APP: variants seen among roughly 807,000 people sequenced by gnomAD.
APP encodes the protein amyloid-beta precursor protein.
In APP, 31 loss-of-function variants were observed where a neutral mutation model predicts 101.4. The observed-to-expected ratio is 0.31, with a 90% CI of 0.23 to 0.41. The LOEUF (loss-of-function observed/expected upper bound fraction) is 0.41, where lower values mean the gene tolerates loss of function less well. Among genes scored for constraint, APP ranks in the 10% least tolerant of loss-of-function variants. The pLI is 1.00. For missense variants in APP, 839 were observed against 1,003.7 expected, an observed-to-expected ratio of 0.84 and a Z score of 2.22; for synonymous variants, 366 against 364.4, an observed-to-expected ratio of 1.00 and a Z score of -0.05.
chr21:26,113,082 A>G (rs2062363289), intron 1 of APP, among the ~76,000 whole-genome samples: 1 of 152,224 alleles, frequency 6.6e-6, no homozygotes, highest in African/African-American at 2.4e-5. Context: ...ATTCAGCAAG[A>G]AATGAAAAAT....
At chr21:25,952,619 T>A (rs1477123452) in intron 13 of APP, among the ~76,000 whole-genome samples, 1 of 152,170 alleles carries the variant, frequency 6.6e-6, no homozygotes, top group Non-Finnish European at 1.5e-5. Flanking sequence ...CAATAATTGC[T>A]GGGTGAGGGT....
chr21:26,111,907 CAAG>C lies in APP; in HGVS notation c.225+69_225+71del, dbSNP rs2062332854. 3 of 1,547,172 alleles carry C rather than the reference CAAG, an allele frequency of 1.9e-6. No individual in the cohort carries two copies. The African/African-American group carries it at 4.1e-5, about 21-fold the overall frequency. ...AGGGTTAAAATACTGATGCAAAATA[CAAG>C]AAGTTAAATTTTTTGAAAACAAATG... On this transcript the variant is annotated intron_variant, in intron 2 of 17. Transcript: ENST00000346798.
At chr21:25,904,721 TTTTTG>T (rs149958076) in intron 15 of APP, among the ~76,000 whole-genome samples, 2,085 of 152,136 alleles carry the variant, frequency 0.014, 38 homozygotes, top group African/African-American at 0.048. Context: ...ATCGTCTCTG[TTTTTG>T]TTTTGTTTTG....
intron 1 of APP, among the ~76,000 whole-genome samples, chr21:26,129,410 C>T (rs892317441): frequency 6.6e-6 from 1 of 151,010 alleles, no homozygotes; most frequent in Admixed American, 6.6e-5. Flanking sequence ...GCAGAGGTTG[C>T]AGTGAGCTGA....
At chr21:25,988,158 C>T (rs539604275) in intron 8 of APP, among the ~76,000 whole-genome samples, 4 of 152,180 alleles carry the variant, frequency 2.6e-5, no homozygotes, top group East Asian at 1.9e-4. Flanking sequence ...AAAACTAGCA[C>T]GGAAGCCCTA....
chr21:26,050,838 T>A (rs1372085780), intron 5 of APP, among the ~76,000 whole-genome samples, 162 bp downstream of exon 5: 1 of 152,204 alleles, frequency 6.6e-6, no homozygotes, highest in Non-Finnish European at 1.5e-5. Flanking sequence ...TTCAACAGGA[T>A]GCCATAAAAA....
chr21:26,007,380 TTATAA>T (rs987300228), intron 6 of APP, among the ~76,000 whole-genome samples: 85 of 147,288 alleles, frequency 5.8e-4, no homozygotes, highest in Admixed American at 5.2e-3. Flanking sequence ...ATATATTAGA[TTATAA>T]TATATTATAT....
At chr21:26,082,662 T>C (rs986175666) in intron 3 of APP, among the ~76,000 whole-genome samples, 5 of 152,288 alleles carry the variant, frequency 3.3e-5, no homozygotes, top group Middle Eastern at 3.4e-3. Context: ...TACATCTCCT[T>C]TCTTGCCTTG....
intron 6 of APP, among the ~76,000 whole-genome samples, chr21:26,007,564 C>T (rs1235614277): frequency 2.0e-5 from 3 of 150,678 alleles, no homozygotes; most frequent in Non-Finnish European, 4.4e-5. Context: ...TAGTTCATAA[C>T]AACTTTATTT....
In APP at chr21:26,043,279, A is replaced by T. The variant is rs7280619; in HGVS notation, c.662+7721T>A. Among the ~76,000 whole-genome samples, 1,232 of 151,710 alleles carry T rather than the reference A, an allele frequency of 8.1e-3. 19 individuals carry two copies. The highest frequency in any genetic ancestry group is 0.028 in the African/African-American group (1,160 of 41,328). On this transcript the variant is annotated intron_variant, in intron 5 of 17. Coordinates refer to ENST00000346798, the MANE Select transcript of APP (RefSeq NM_000484.4). ...GAGACAGAGTCTTGCTCTGTTGCCC[A>T]GGCTGAAGTGCAGTGGTGCGATCTC...
At chr21:26,166,881 A>T (rs559812468) in intron 1 of APP, among the ~76,000 whole-genome samples, 2 of 84,976 alleles carry the variant, frequency 2.4e-5, no homozygotes. Flanking sequence ...TGAGAGAGAG[A>T]GAGAGAGAGA....
At chr21:26,079,867 T>C (rs756871321) in intron 3 of APP, among the ~76,000 whole-genome samples, 1 of 152,236 alleles carries the variant, frequency 6.6e-6, no homozygotes, top group African/African-American at 2.4e-5. Flanking sequence ...CTCACGCCTG[T>C]AATCCCAGCA....
At chr21:25,965,386 T>C (rs1026885426) in intron 11 of APP, among the ~76,000 whole-genome samples, 2 of 152,232 alleles carry the variant, frequency 1.3e-5, no homozygotes, top group Non-Finnish European at 2.9e-5. Context: ...TGCTTTAATT[T>C]TGCATATTCA....
chr21:26,155,424 T>C (rs1210309070), intron 1 of APP, among the ~76,000 whole-genome samples: 2 of 152,248 alleles, frequency 1.3e-5, no homozygotes, highest in African/African-American at 4.8e-5. Flanking sequence ...TAATTTCGCC[T>C]GCTTATTTTT....
intron 9 of APP, among the ~76,000 whole-genome samples, chr21:25,977,944 A>C (rs2042283425): frequency 6.6e-6 from 1 of 152,188 alleles, no homozygotes; most frequent in African/African-American, 2.4e-5. Context: ...CAGTGGTGGT[A>C]CTCTACCAAC....
intron 5 of APP, among the ~76,000 whole-genome samples, chr21:26,038,968 A>C (rs975232900): frequency 2.0e-5 from 3 of 152,224 alleles, no homozygotes; most frequent in African/African-American, 7.2e-5. Context: ...ATTATATATG[A>C]GGGTAAAGCA....
At chr21:26,025,739 G>A (rs967939143) in intron 5 of APP, among the ~76,000 whole-genome samples, 4 of 152,188 alleles carry the variant, frequency 2.6e-5, no homozygotes, top group African/African-American at 4.8e-5. Flanking sequence ...AACCAGGAAC[G>A]GAGACACGTA....
chr21:26,128,551 T>G (rs564523246), intron 1 of APP, among the ~76,000 whole-genome samples: 1 of 152,258 alleles, frequency 6.6e-6, no homozygotes, highest in South Asian at 2.1e-4. Context: ...CCCAGTGAGG[T>G]TTAAGACATT....
chr21:25,995,754 G>A (rs866924577), intron 8 of APP, among the ~76,000 whole-genome samples: 2 of 152,102 alleles, frequency 1.3e-5, no homozygotes, highest in Admixed American at 6.5e-5. Context: ...CAAAAGAAAC[G>A]TTTATGTTGC....
Sources: gnomAD v4.1 joint callset for allele counts (sites outside exome capture counted in the v4.1 genomes callset) on GRCh38, gnomAD v4.1.1 for gene constraint, MANE v1.5 for transcripts, NCBI Gene and HGNC (gene_info 2026-07-23, HGNC 2026-07-21) for gene names.